CELF2: variants seen among roughly 807,000 people sequenced by gnomAD.
CELF2 encodes the protein CUGBP Elav-like family member 2, also known as CUG triplet repeat RNA-binding protein 2.
Under a neutral mutation model 62.6 loss-of-function variants are expected in CELF2, and 8 were observed. The observed-to-expected ratio is 0.13, with a 90% CI of 0.07 to 0.23. The LOEUF (loss-of-function observed/expected upper bound fraction) is 0.23, where lower values mean the gene tolerates loss of function less well. CELF2 is among the 10% of genes least tolerant of loss of function. The pLI is 1.00. For synonymous variants in CELF2, 258 were observed against 250.0 expected, an observed-to-expected ratio of 1.03 and a Z score of -0.30; for missense variants, 333 against 671.0, an observed-to-expected ratio of 0.50 and a Z score of 5.56.
At chr10:10,835,180 T>A (rs1027205637) in intron 1 of CELF2, among the ~76,000 whole-genome samples, 1 of 152,000 alleles carries the variant, frequency 6.6e-6, no homozygotes, top group Non-Finnish European at 1.5e-5. Flanking sequence ...GAGACAAGGG[T>A]CTCCCTCTGT....
At chr10:11,194,708 G>C (rs1419198032) in intron 2 of CELF2, among the ~76,000 whole-genome samples, 1 of 152,170 alleles carries the variant, frequency 6.6e-6, no homozygotes, top group Non-Finnish European at 1.5e-5. Flanking sequence ...TGAATATAAT[G>C]GTAAATTTTA....
chr10:11,177,476 G>A lies in CELF2; in HGVS notation c.271+11794G>A, dbSNP rs2071642213. ...TTAAAAGGAGGATATGAACCAAAAT[G>A]TTGGCATGAATTAAGAAAAATCAGT... On this transcript the variant is annotated intron_variant, in intron 2 of 12. Coordinates refer to ENST00000633077, the MANE Select transcript of CELF2 (RefSeq NM_001326342.2). This position sits in a 1 kb window ranked among gnomAD's most constrained non-coding sequence, Gnocchi z 4.8. 6.6e-6 allele frequency among the ~76,000 whole-genome samples: 1 copy of A among 151,686 alleles called. No individual in the cohort carries two copies. Among genetic ancestry groups the A allele is most frequent in the Non-Finnish European group, 1.5e-5 (1 of 67,936 alleles).
intron 1 of CELF2, among the ~76,000 whole-genome samples, chr10:11,139,726 C>T (rs2061000089): frequency 6.6e-6 from 1 of 152,170 alleles, no homozygotes. Context: ...TACCTACCCC[C>T]TGCTATCTGA....
chr10:10,728,363 G>T, the CELF2 span, among the ~76,000 whole-genome samples: 1 of 147,056 alleles, frequency 6.8e-6, no homozygotes, highest in Admixed American at 6.9e-5. Context: ...TGAGGCAGGA[G>T]AATTGCCTGA....
At chr10:11,222,673 G>T (rs2065220033) in intron 3 of CELF2, among the ~76,000 whole-genome samples, 1 of 152,150 alleles carries the variant, frequency 6.6e-6, no homozygotes, top group Non-Finnish European at 1.5e-5. Context: ...CACAAAGCCT[G>T]CCACTATGCT....
At chr10:10,566,203 C>G in the CELF2 span, among the ~76,000 whole-genome samples, 27 of 152,004 alleles carry the variant, frequency 1.8e-4, no homozygotes, top group African/African-American at 6.5e-4. Context: ...AAAGAAGGCT[C>G]CAGGGAAAAT....
the CELF2 span, among the ~76,000 whole-genome samples, chr10:10,489,549 G>A: frequency 2.6e-5 from 4 of 151,962 alleles, no homozygotes; most frequent in Non-Finnish European, 5.9e-5. Flanking sequence ...GTGAGTATAC[G>A]GTGTATATTA....
intron 2 of CELF2, among the ~76,000 whole-genome samples, chr10:11,168,744 C>A (rs755830858): frequency 1.3e-5 from 2 of 152,180 alleles, no homozygotes; most frequent in Admixed American, 6.5e-5. Flanking sequence ...TTCCCCCTCA[C>A]TTTCCATTTC....
intron 2 of CELF2, among the ~76,000 whole-genome samples, chr10:10,985,612 G>A (rs1326003599): frequency 1.3e-5 from 2 of 152,188 alleles, no homozygotes; most frequent in Non-Finnish European, 2.9e-5. Context: ...TGGAAGGCTG[G>A]TTCATGCTAG....
chr10:10,613,744 C>T, the CELF2 span, among the ~76,000 whole-genome samples: 1 of 152,144 alleles, frequency 6.6e-6, no homozygotes, highest in African/African-American at 2.4e-5. Context: ...AAAGAAAAAG[C>T]TTTTCCTCTC....
At chr10:11,013,953 A>C (rs1220341014), upstream of CELF2, among the ~76,000 whole-genome samples, 6 of 152,244 alleles carry the variant, frequency 3.9e-5, no homozygotes, top group Admixed American at 2.0e-4. The surrounding 1 kb of genome is among the most constrained non-coding windows in gnomAD (Gnocchi z 4.1). Context: ...GCCAAGAACA[A>C]ACACATGGTC....
chr10:11,134,533 A>G (rs539259614), intron 1 of CELF2, among the ~76,000 whole-genome samples: 1 of 152,138 alleles, frequency 6.6e-6, no homozygotes, highest in South Asian at 2.1e-4. Context: ...TCCAGTGCTG[A>G]TTGTCCTCGG....
chr10:11,093,987 T>C (rs2049058570), intron 1 of CELF2, among the ~76,000 whole-genome samples: 1 of 152,246 alleles, frequency 6.6e-6, no homozygotes, highest in South Asian at 2.1e-4. Context: ...TTTCTGCTAA[T>C]GGTATTACAG....
chr10:11,124,815 C>G (rs190927160), intron 1 of CELF2, among the ~76,000 whole-genome samples: 42 of 152,276 alleles, frequency 2.8e-4, no homozygotes, highest in Non-Finnish European at 4.9e-4. Flanking sequence ...TTCATAAATT[C>G]TTCTGATACT....
the CELF2 span, among the ~76,000 whole-genome samples, chr10:10,611,176 T>A: frequency 2.6e-5 from 4 of 152,060 alleles, no homozygotes; most frequent in South Asian, 2.1e-4. Context: ...CTCATGCAGA[T>A]GCGGCCAGAA....
rs1457385551 is a variant in CELF2 at position 10,997,084 on chromosome 10, C to A, written c.89+77085C>A. Among the ~76,000 whole-genome samples, 1 of 152,210 alleles carries A rather than the reference C, an allele frequency of 6.6e-6. No individual in the cohort carries two copies. Among genetic ancestry groups the A allele is most frequent in the East Asian group, 1.9e-4 (1 of 5,202 alleles). On this transcript the variant is annotated intron_variant, in intron 2 of 13. Transcript: ENST00000636488. This position sits in a 1 kb window ranked among gnomAD's most constrained non-coding sequence, Gnocchi z 5.3. ...ATCTGCTTTGGCCCTTCTCCTCTCTCTACAGCTGCTGCCTGGCAACATGGA... is the reference window on the plus strand; with the variant it reads ...ATCTGCTTTGGCCCTTCTCCTCTCTATACAGCTGCTGCCTGGCAACATGGA...
At chr10:10,641,411 C>CGGGT in the CELF2 span, among the ~76,000 whole-genome samples, 7 of 152,070 alleles carry the variant, frequency 4.6e-5, no homozygotes, top group Non-Finnish European at 8.8e-5. Flanking sequence ...CTTCCCCTTA[C>CGGGT]GGGTGTATTG....
the CELF2 span, among the ~76,000 whole-genome samples, chr10:10,580,028 C>T: frequency 2.0e-5 from 3 of 152,074 alleles, no homozygotes; most frequent in Non-Finnish European, 2.9e-5. Flanking sequence ...AAAAAGATTA[C>T]CATAAATTAT....
At chr10:10,908,609 T>A (rs1247027370) in intron 1 of CELF2, among the ~76,000 whole-genome samples, 1 of 152,148 alleles carries the variant, frequency 6.6e-6, no homozygotes, top group African/African-American at 2.4e-5. Flanking sequence ...TTTTATTATG[T>A]GTTTATAGCC....
Sources: gnomAD v4.1 joint callset for allele counts (sites outside exome capture counted in the v4.1 genomes callset) on GRCh38, gnomAD v4.1.1 for gene constraint, Gnocchi (gnomAD v3.1) non-coding constraint, MANE v1.5 for transcripts, NCBI Gene and HGNC (gene_info 2026-07-23, HGNC 2026-07-21) for gene names.